Variants in FAM171A1 observed in about 807,000 individuals in gnomAD.
The protein encoded by FAM171A1 is family with sequence similarity 171 member A1, also known as protein FAM171A1.
Under a neutral mutation model 74.9 loss-of-function variants are expected in FAM171A1, and 23 were observed. The ratio of observed to expected loss-of-function variants is 0.31; its 90% CI spans 0.22 to 0.44. The LOEUF is 0.44. FAM171A1 is among the 20% of genes least tolerant of loss of function. The pLI, the probability that FAM171A1 is intolerant of heterozygous loss-of-function variation, is 1.00. For synonymous variants in FAM171A1, 527 were observed against 505.7 expected (o/e 1.04, Z -0.57); for missense variants, 1,162 against 1,159.2 (o/e 1.00, Z -0.03).
chr10:15,254,684 A>AT (rs1834553386), intron 4 of FAM171A1, 37 bp downstream of exon 4: 1 of 1,604,830 alleles, frequency 6.2e-7, no homozygotes, highest in African/African-American at 1.3e-5. Flanking sequence ...ACTAAAACAC[A>AT]GTAACTCCCA....
At chr10:15,223,476 G>A (rs1203159589) in intron 5 of FAM171A1, among the ~76,000 whole-genome samples, 1 of 152,212 alleles carries the variant, frequency 6.6e-6, no homozygotes, top group African/African-American at 2.4e-5. Flanking sequence ...GGACCCAGAG[G>A]GTGAGAGCTG....
At chr10:15,342,803 C>T (rs1449345134) in intron 1 of FAM171A1, among the ~76,000 whole-genome samples, 2 of 152,244 alleles carry the variant, frequency 1.3e-5, no homozygotes, top group East Asian at 1.9e-4. Context: ...GTCAGACCCT[C>T]TCCAGGCACA....
At chr10:15,370,267 CG>C (rs1836121745) in intron 1 of FAM171A1, among the ~76,000 whole-genome samples, 2 of 130,466 alleles carry the variant, frequency 1.5e-5, no homozygotes, top group African/African-American at 5.9e-5. Context: ...TTTTGGTGAG[CG>C]ATGAGGGCCT....
intron 1 of FAM171A1, among the ~76,000 whole-genome samples, chr10:15,346,116 G>C (rs1254544242): frequency 1.3e-5 from 2 of 152,110 alleles, no homozygotes; most frequent in Admixed American, 6.5e-5. Flanking sequence ...TTTTTTGTTT[G>C]TTTAGAGACA....
At chr10:15,256,762 T>G (rs1020590433) in intron 3 of FAM171A1, among the ~76,000 whole-genome samples, 2 of 152,150 alleles carry the variant, frequency 1.3e-5, no homozygotes, top group South Asian at 2.1e-4. Context: ...AGAGTTCAAA[T>G]TCCTCGGGGG....
intron 3 of FAM171A1, among the ~76,000 whole-genome samples, chr10:15,268,190 G>A (rs1397304204): frequency 6.6e-6 from 1 of 152,176 alleles, no homozygotes; most frequent in Non-Finnish European, 1.5e-5. Context: ...AGCCCTGAGT[G>A]GAAGGGGTTG....
At chr10:15,369,647 C>A (rs926429189) in intron 1 of FAM171A1, among the ~76,000 whole-genome samples, 1 of 152,206 alleles carries the variant, frequency 6.6e-6, no homozygotes, top group Non-Finnish European at 1.5e-5. Flanking sequence ...TTCAACTCAA[C>A]ATGTAGGCAA....
At chr10:15,288,459 A>G (rs1835064609) in intron 1 of FAM171A1, among the ~76,000 whole-genome samples, 2 of 152,204 alleles carry the variant, frequency 1.3e-5, no homozygotes, top group South Asian at 4.1e-4. Flanking sequence ...GTAGTATACT[A>G]AATTATAACA....
chr10:15,329,228 T>C (rs1835597065), intron 1 of FAM171A1, among the ~76,000 whole-genome samples: 1 of 152,204 alleles, frequency 6.6e-6, no homozygotes, highest in Non-Finnish European at 1.5e-5. Context: ...ACTGAGAGCT[T>C]ATAAATAAGA....
At chr10:15,312,081 C>A (rs970104673) in intron 1 of FAM171A1, among the ~76,000 whole-genome samples, 10 of 152,244 alleles carry the variant, frequency 6.6e-5, no homozygotes, top group Non-Finnish European at 1.2e-4. Context: ...AGCTGAGATT[C>A]AAGCGTGCAT....
Position 15,370,323 on chromosome 10 carries a change from G to T in FAM171A1, c.97+633C>A, listed in dbSNP as rs146368218. 2.1e-3 allele frequency among the ~76,000 whole-genome samples: 304 copies of T among 147,602 alleles called. 3 individuals carry two copies. The highest frequency in any genetic ancestry group is 7.1e-3 in the African/African-American group (283 of 39,710). On this transcript the variant is annotated intron_variant, in intron 1 of 7. Transcript: ENST00000378116. ...CCCTTACAGAGAAGACTCATGGGCC[G>T]CTGAGCAAATCCCTTATGGTCTGGA...
At chr10:15,335,595 T>C (rs1835691175) in intron 1 of FAM171A1, among the ~76,000 whole-genome samples, 1 of 152,234 alleles carries the variant, frequency 6.6e-6, no homozygotes, top group Non-Finnish European at 1.5e-5. Flanking sequence ...ATAGTGTGCT[T>C]CTATTTAGCA....
At chr10:15,359,006 T>C (rs966901743) in intron 1 of FAM171A1, among the ~76,000 whole-genome samples, 1 of 152,178 alleles carries the variant, frequency 6.6e-6, no homozygotes, top group African/African-American at 2.4e-5. Context: ...TCCTCTTCTA[T>C]AGAGGGAGAA....
chr10:15,231,264 G>A (rs1409783987), intron 5 of FAM171A1, among the ~76,000 whole-genome samples: 1 of 152,016 alleles, frequency 6.6e-6, no homozygotes, highest in East Asian at 1.9e-4. Flanking sequence ...GAGTGCAGTG[G>A]TGCAATCACA....
intron 1 of FAM171A1, among the ~76,000 whole-genome samples, chr10:15,336,271 G>A (rs931443579): frequency 6.6e-6 from 1 of 151,928 alleles, no homozygotes; most frequent in Non-Finnish European, 1.5e-5. Context: ...GTGGTATTAT[G>A]CACACGTTCC....
intron 3 of FAM171A1, among the ~76,000 whole-genome samples, chr10:15,266,551 C>G (rs1356237739): frequency 6.6e-6 from 1 of 151,872 alleles, no homozygotes; most frequent in Non-Finnish European, 1.5e-5. Flanking sequence ...GACCAGAACA[C>G]AGCAAAAAGA....
At chr10:15,247,764 C>T (rs1439794130) in intron 5 of FAM171A1, among the ~76,000 whole-genome samples, 1 of 152,164 alleles carries the variant, frequency 6.6e-6, no homozygotes, top group Non-Finnish European at 1.5e-5. Flanking sequence ...TCAGCCACCA[C>T]ACCCAGCCTA....
intron 5 of FAM171A1, among the ~76,000 whole-genome samples, chr10:15,229,476 T>C (rs1834156487): frequency 2.2e-5 from 3 of 136,024 alleles, no homozygotes; most frequent in South Asian, 2.5e-4. Context: ...TCATCACCAT[T>C]GTCACCCCAT....
intron 1 of FAM171A1, among the ~76,000 whole-genome samples, chr10:15,341,764 C>T (rs142905860): frequency 6.6e-6 from 1 of 152,266 alleles, no homozygotes; most frequent in Non-Finnish European, 1.5e-5. Context: ...TCTTAATATA[C>T]CCTGACACAT....
Sources: gnomAD v4.1 joint callset for allele counts (sites outside exome capture counted in the v4.1 genomes callset) on GRCh38, gnomAD v4.1.1 for gene constraint, MANE v1.5 for transcripts, NCBI Gene and HGNC (gene_info 2026-07-23, HGNC 2026-07-21) for gene names.